KCNMB2: variants seen among roughly 807,000 people sequenced by gnomAD.
KCNMB2 encodes the protein potassium calcium-activated channel subfamily M regulatory beta subunit 2, also known as calcium-activated potassium channel subunit beta-2.
Under a neutral mutation model 24.5 loss-of-function variants are expected in KCNMB2, and 9 were observed. The observed-to-expected ratio is 0.37, with a 90% CI of 0.22 to 0.64. KCNMB2 has a LOEUF of 0.64. KCNMB2 is among the 30% of genes least tolerant of loss of function. The pLI is 0.63. For missense variants in KCNMB2, 226 were observed against 284.3 expected (o/e 0.79, Z 1.47); for synonymous variants, 109 against 104.4 (o/e 1.04, Z -0.27).
At position 178,757,300 on chromosome 3, in the gene KCNMB2, A is replaced by ATG. The variant is rs1560004842; in HGVS notation, c.-67-50042_-67-50041insGT. On this transcript the variant is annotated intron_variant, in intron 1 of 4. Coordinates refer to ENST00000452583, the MANE Select transcript of KCNMB2 (RefSeq NM_181361.3). Reference sequence around the variant, plus strand: ...TACATATATCCAAGAGGATATATATATATATATCCATCCAAGAGGACATAT... The same window carrying ATG: ...TACATATATCCAAGAGGATATATATATGTATATATCCATCCAAGAGGACATAT... Among the ~76,000 whole-genome samples the ATG allele has an allele frequency of 5.8e-4, 73 of 124,894 alleles. 1 individual carries two copies. Among genetic ancestry groups the ATG allele is most frequent in the African/African-American group, 1.4e-3 (46 of 33,518 alleles). The allele number at this position is 124,894 out of a possible 152,430, so 81.9% of individuals were successfully genotyped here. A position where few individuals can be genotyped will look rare whatever the true frequency, so the allele number is the denominator to read the frequency against.
intron 4 of KCNMB2, among the ~76,000 whole-genome samples, chr3:178,836,941 A>C (rs775722871): frequency 3.2e-4 from 48 of 152,308 alleles, no homozygotes; most frequent in Non-Finnish European, 5.1e-4. Flanking sequence ...AGACATAAAA[A>C]TACCCTCTGA....
At chr3:178,807,924 T>A (rs1211136000) in intron 2 of KCNMB2, among the ~76,000 whole-genome samples, 1 of 151,356 alleles carries the variant, frequency 6.6e-6, no homozygotes, top group East Asian at 1.9e-4. Flanking sequence ...AAATATAATA[T>A]AATTAATAAA....
intron 1 of KCNMB2, among the ~76,000 whole-genome samples, chr3:178,654,270 T>C (rs1457809326): frequency 6.6e-6 from 1 of 152,226 alleles, no homozygotes; most frequent in Non-Finnish European, 1.5e-5. Flanking sequence ...CTTGTTTGTC[T>C]TTTCAACGAA....
intron 1 of KCNMB2, among the ~76,000 whole-genome samples, chr3:178,620,599 A>G (rs1404369767): frequency 1.3e-5 from 2 of 152,192 alleles, no homozygotes; most frequent in African/African-American, 4.8e-5. Flanking sequence ...GGTCTCCTTA[A>G]TAAGAACACT....
chr3:178,757,617 C>T (rs188568779), intron 1 of KCNMB2, among the ~76,000 whole-genome samples: 2 of 26,012 alleles, frequency 7.7e-5, no homozygotes, highest in Non-Finnish European at 1.5e-4. Flanking sequence ...TATATATATC[C>T]AAGAGGATAT....
At chr3:178,791,022 C>T (rs1159671800) in intron 1 of KCNMB2, among the ~76,000 whole-genome samples, 1 of 152,224 alleles carries the variant, frequency 6.6e-6, no homozygotes, top group Admixed American at 6.5e-5. Flanking sequence ...CTACTCCAGA[C>T]TGCAAAAACT....
intron 1 of KCNMB2, among the ~76,000 whole-genome samples, chr3:178,730,705 C>G (rs1325236994): frequency 6.6e-6 from 1 of 152,158 alleles, no homozygotes; most frequent in Non-Finnish European, 1.5e-5. Context: ...CCACTCTGTT[C>G]TAGCCACAAT....
At chr3:178,617,490 G>T (rs959645486) in intron 1 of KCNMB2, among the ~76,000 whole-genome samples, 2 of 149,968 alleles carry the variant, frequency 1.3e-5, no homozygotes, top group African/African-American at 4.9e-5. Flanking sequence ...CCCGGGAGGT[G>T]GAGGTTGCAG....
intron 1 of KCNMB2, among the ~76,000 whole-genome samples, chr3:178,792,336 T>C (rs775721850): frequency 2.6e-5 from 4 of 152,210 alleles, no homozygotes; most frequent in African/African-American, 9.7e-5. Context: ...TGTTAAGTTG[T>C]TGTCAGCTTA....
intron 1 of KCNMB2, among the ~76,000 whole-genome samples, chr3:178,549,746 A>G (rs1437418247): frequency 6.6e-6 from 1 of 152,022 alleles, no homozygotes; most frequent in Non-Finnish European, 1.5e-5. Flanking sequence ...AACAACACTC[A>G]TTGTCTCTTG....
intron 1 of KCNMB2, among the ~76,000 whole-genome samples, chr3:178,806,430 T>A (rs1449116218): frequency 2.0e-5 from 3 of 152,188 alleles, no homozygotes; most frequent in African/African-American, 7.2e-5. Flanking sequence ...TTATTTCCCA[T>A]CTCATGCTTA....
At chr3:178,592,898 G>A (rs563263955) in intron 1 of KCNMB2, among the ~76,000 whole-genome samples, 6 of 152,022 alleles carry the variant, frequency 3.9e-5, no homozygotes, top group South Asian at 2.1e-4. Context: ...TTCTTTTTTC[G>A]TGTGACTCTT....
chr3:178,650,718 C>T (rs748846853), intron 1 of KCNMB2, among the ~76,000 whole-genome samples: 4 of 152,064 alleles, frequency 2.6e-5, no homozygotes, highest in Non-Finnish European at 5.9e-5. Context: ...ACCGTGATCA[C>T]GTTGCTTTCA....
chr3:178,758,673 G>GATAT (rs1169653482), intron 1 of KCNMB2, among the ~76,000 whole-genome samples: 14 of 30,270 alleles, frequency 4.6e-4, no homozygotes, highest in African/African-American at 7.6e-4. Flanking sequence ...TCTCCAAGAG[G>GATAT]ATATATATAT....
intron 1 of KCNMB2, among the ~76,000 whole-genome samples, chr3:178,782,140 A>T (rs1342295736): frequency 8.6e-6 from 1 of 116,480 alleles, no homozygotes; most frequent in African/African-American, 3.2e-5. Context: ...TTATGGCTGC[A>T]TAGTATTCCA....
chr3:178,757,021 G>C (rs1183280106), intron 1 of KCNMB2: 2 of 151,072 alleles, frequency 1.3e-5, no homozygotes, highest in East Asian at 1.9e-4. Flanking sequence ...AAAAATTCTT[G>C]GAAATATATA....
intron 1 of KCNMB2, among the ~76,000 whole-genome samples, chr3:178,597,507 C>T (rs1388787656): frequency 6.6e-6 from 1 of 152,116 alleles, no homozygotes; most frequent in Admixed American, 6.6e-5. Flanking sequence ...ACTGAGTTTG[C>T]ACAGCTAGGC....
chr3:178,756,305 C>A (rs1211303084), intron 1 of KCNMB2, among the ~76,000 whole-genome samples: 1 of 151,250 alleles, frequency 6.6e-6, no homozygotes, highest in Non-Finnish European at 1.5e-5. Context: ...TATGGGCAGT[C>A]AATTCTCATT....
At chr3:178,582,321 G>A (rs1165395490) in intron 1 of KCNMB2, among the ~76,000 whole-genome samples, 2 of 152,050 alleles carry the variant, frequency 1.3e-5, no homozygotes, top group African/African-American at 2.4e-5. Context: ...ATGAGAACAC[G>A]TTGACACAGG....
Sources: allele counts gnomAD v4.1 joint callset (sites outside exome capture counted in the v4.1 genomes callset), GRCh38; gene constraint gnomAD v4.1.1; transcripts MANE v1.5; gene names NCBI Gene and HGNC (gene_info 2026-07-23, HGNC 2026-07-21).